The following XNDC1N variants were observed in gnomAD, a reference collection of about 807,000 sequenced individuals.
The protein encoded by XNDC1N is protein XNDC1N.
the XNDC1N span, among the ~76,000 whole-genome samples, chr11:71,911,692 T>C: frequency 6.6e-6 from 1 of 152,128 alleles, no homozygotes; most frequent in Non-Finnish European, 1.5e-5. Context: ...AAAGGGCCTA[T>C]TGAACTCTGG....
the XNDC1N span, among the ~76,000 whole-genome samples, chr11:71,891,599 C>A: frequency 6.6e-6 from 1 of 152,134 alleles, no homozygotes; most frequent in Non-Finnish European, 1.5e-5. Flanking sequence ...GTTTCCTACA[C>A]TGTTGACAGC....
the XNDC1N span, among the ~76,000 whole-genome samples, chr11:71,926,908 G>GAAATAAAATAAAATA: frequency 1.8e-3 from 266 of 149,184 alleles, no homozygotes; most frequent in African/African-American, 2.9e-3. Flanking sequence ...CTCAAAAAAT[G>GAAATAAAATAAAATA]AAATAAAATA....
At chr11:71,887,835 C>T in the XNDC1N span, among the ~76,000 whole-genome samples, 1 of 152,198 alleles carries the variant, frequency 6.6e-6, no homozygotes, top group African/African-American at 2.4e-5. Flanking sequence ...GGGTTCCCGC[C>T]AGCTGAGGAC....
chr11:71,894,012 C>T, the XNDC1N span: 1 of 839,500 alleles, frequency 1.2e-6, no homozygotes. Flanking sequence ...TCTGTGACCC[C>T]TCTCAACTTC....
the XNDC1N span, among the ~76,000 whole-genome samples, chr11:71,892,477 C>A: frequency 6.6e-6 from 1 of 151,784 alleles, no homozygotes; most frequent in Non-Finnish European, 1.5e-5. Context: ...GGTGTAGAGC[C>A]ACCATGATAT....
the XNDC1N span, chr11:71,884,244 CT>C: frequency 1.3e-6 from 1 of 774,054 alleles, no homozygotes; most frequent in Non-Finnish European, 1.9e-6. Context: ...CATCGTTTGT[CT>C]TTATTCAGCA....
chr11:71,920,370 C>A, the XNDC1N span, among the ~76,000 whole-genome samples: 1 of 151,650 alleles, frequency 6.6e-6, no homozygotes, highest in African/African-American at 2.4e-5. Flanking sequence ...TGCAATGGTG[C>A]GATCTATGCT....
chr11:71,885,189 G>C, the XNDC1N span, among the ~76,000 whole-genome samples: 1 of 151,964 alleles, frequency 6.6e-6, no homozygotes, highest in East Asian at 1.9e-4. Context: ...TCAAAGGGGT[G>C]TTTCTACTCC....
chr11:71,898,214 G>GA, the XNDC1N span, among the ~76,000 whole-genome samples: 285 of 144,904 alleles, frequency 2.0e-3, no homozygotes, highest in South Asian at 5.9e-3. Flanking sequence ...AAAACCAAAT[G>GA]AAAAAAAAAA....
chr11:71,925,680 G>C, the XNDC1N span, among the ~76,000 whole-genome samples: 1 of 152,232 alleles, frequency 6.6e-6, no homozygotes, highest in East Asian at 1.9e-4. Flanking sequence ...TGTAATCCCA[G>C]CACTTTGGGA....
chr11:71,903,368 A>T, the XNDC1N span: 10 of 1,463,632 alleles, frequency 6.8e-6, no homozygotes, highest in African/African-American at 1.4e-5. Flanking sequence ...CACCCCATGT[A>T]CTTCTTCCTC....
the XNDC1N span, chr11:71,914,489 C>G: frequency 2.5e-6 from 1 of 408,090 alleles, no homozygotes; most frequent in East Asian, 7.2e-5. Flanking sequence ...GAGTTTGAGA[C>G]CAGCCTGGTC....
the XNDC1N span, among the ~76,000 whole-genome samples, chr11:71,926,670 G>A: frequency 6.6e-6 from 1 of 152,120 alleles, no homozygotes; most frequent in Non-Finnish European, 1.5e-5. Context: ...GGAGGTTGAC[G>A]TGGGTGGATC....
the XNDC1N span, among the ~76,000 whole-genome samples, chr11:71,869,990 T>G: frequency 2.4e-4 from 37 of 152,204 alleles, no homozygotes; most frequent in Non-Finnish European, 5.1e-4. Flanking sequence ...AATTCCACAT[T>G]GTTAGGCTGG....
chr11:71,910,446 T>G, the XNDC1N span, among the ~76,000 whole-genome samples: 6 of 151,832 alleles, frequency 4.0e-5, no homozygotes, highest in East Asian at 7.7e-4. Context: ...TCCCCAAGGG[T>G]TCAAGAACTC....
the XNDC1N span, among the ~76,000 whole-genome samples, chr11:71,920,585 G>A: frequency 2.6e-5 from 4 of 152,218 alleles, no homozygotes; most frequent in South Asian, 2.1e-4. Context: ...GATTACAGGC[G>A]TGAGCCACCG....
At chr11:71,867,331 G>A in the XNDC1N span, among the ~76,000 whole-genome samples, 2 of 152,198 alleles carry the variant, frequency 1.3e-5, no homozygotes, top group East Asian at 1.9e-4. Context: ...TGGATAAAAT[G>A]TCTTTGTGGG....
the XNDC1N span, among the ~76,000 whole-genome samples, chr11:71,872,998 T>C: frequency 6.6e-6 from 1 of 152,180 alleles, no homozygotes; most frequent in Non-Finnish European, 1.5e-5. Flanking sequence ...TTTTTTTCTC[T>C]TTTTCTCATG....
chr11:71,876,092 C>T, the XNDC1N span, among the ~76,000 whole-genome samples: 2 of 152,070 alleles, frequency 1.3e-5, no homozygotes, highest in South Asian at 4.1e-4. Flanking sequence ...ATTAATGCAT[C>T]AAAGTCCCCA....
Sources: allele counts gnomAD v4.1 joint callset (sites outside exome capture counted in the v4.1 genomes callset), GRCh38; gene constraint gnomAD v4.1.1; transcripts MANE v1.5; gene names NCBI Gene and HGNC (gene_info 2026-07-23, HGNC 2026-07-21).